The following BRWD1 variants were observed in gnomAD, a reference collection of about 807,000 sequenced individuals.
BRWD1 encodes the protein bromodomain and WD repeat domain containing 1, also known as bromodomain and WD repeat-containing protein 1.
A neutral mutation model predicts 251.2 loss-of-function variants in BRWD1; 82 were observed. The observed-to-expected ratio is 0.33, with a 90% CI of 0.27 to 0.39. BRWD1 has a LOEUF of 0.39. Ranked by LOEUF, BRWD1 falls within the 10% of genes least tolerant of loss-of-function variation. BRWD1 has a pLI of 1.00. For synonymous variants in BRWD1, 918 were observed against 902.8 expected (o/e 1.02, Z -0.30); for missense variants, 2,233 against 2,711.6 (o/e 0.82, Z 3.92).
At chr21:39,207,485 A>ACACAC (rs1350272514) in intron 36 of BRWD1, among the ~76,000 whole-genome samples, 5,705 of 119,922 alleles carry the variant, frequency 0.048, 212 homozygotes, top group African/African-American at 0.11. Context: ...CACACACACA[A>ACACAC]ACAAAACTCC....
At chr21:39,203,928 G>C (rs1293833032) in intron 37 of BRWD1, among the ~76,000 whole-genome samples, 18 of 115,276 alleles carry the variant, frequency 1.6e-4, no homozygotes, top group Non-Finnish European at 3.2e-4. Flanking sequence ...GAGGCAGGTG[G>C]GTTATTTGAG....
At position 39,320,087 on chromosome 21, in the gene BRWD1, G is replaced by T. The variant is rs570531941; in HGVS notation, n.534+939C>A. The stretch of plus-strand genomic sequence containing the variant: ...CTCCACACCCAGGAAAGATGACTGT[G>T]CAGTAAAGCCATGGCTCGCTTGCCC... On this transcript the variant is annotated intron_variant and non_coding_transcript_variant, in intron 1 of 4. Coordinates refer to the BRWD1 transcript ENST00000470108. 3.9e-5 allele frequency among the ~76,000 whole-genome samples: 6 copies of T among 152,304 alleles called. No individual in the cohort carries two copies. The East Asian group carries it at 1.2e-3, about 29-fold the overall frequency.
Position 39,196,296 on chromosome 21 carries a change from A to G in BRWD1, c.6773T>C (p.Leu2258Ser), listed in dbSNP as rs1040754141. 2 of 1,608,356 alleles carry G rather than the reference A, an allele frequency of 1.2e-6. No homozygotes were observed. The highest frequency in any genetic ancestry group is 1.7e-6 in the Non-Finnish European group (2 of 1,177,690). Residue 2258 changes from leucine to serine, a missense_variant, in exon 41 of 41, where the codon TTA (leucine) becomes TCA (serine). By Grantham distance (145) the Leu-to-Ser change is moderately radical (BLOSUM62 -2). This residue lies in a region of BRWD1 where 928 missense variants were observed against 970.0 expected (regional missense o/e 0.96). Coordinates refer to ENST00000342449, the MANE Select transcript of BRWD1 (RefSeq NM_033656.4). ...RYHDGDDDRS[L>S]ENVLDFNGCT... The stretch of plus-strand genomic sequence containing the variant: ...ACCATTGAAATCTAACACATTTTCT[A>G]AACTTCTGTCATCATCCCCATCATG...
chr21:39,281,033 G>A lies in BRWD1; in HGVS notation c.832-785C>T, dbSNP rs1007042928. On this transcript the variant is annotated intron_variant, in intron 8 of 40. Transcript: ENST00000342449. Reference sequence around the variant, plus strand: ...TGCAAGGAAAACAAACACACACTAAGCAAAGGAATAATATCAGCACAAGTT... The same window carrying A: ...TGCAAGGAAAACAAACACACACTAAACAAAGGAATAATATCAGCACAAGTT... Among the ~76,000 whole-genome samples the A allele has an allele frequency of 3.3e-5, 5 of 152,216 alleles. 1 individual carries two copies. The highest frequency in any genetic ancestry group is 3.4e-3 in the Middle Eastern group (1 of 294).
At chr21:39,295,971 AT>A in intron 6 of BRWD1, 68 bp from the exon 7 acceptor site, 1 of 1,350,486 alleles carries the variant, frequency 7.4e-7, no homozygotes, top group Non-Finnish European at 9.8e-7. Flanking sequence ...AAAAACTCAA[AT>A]AACAATTTCT....
chr21:39,294,071 C>T (rs1328912802), intron 7 of BRWD1, 39 bp from the exon 8 acceptor site: 2 of 1,527,158 alleles, frequency 1.3e-6, no homozygotes, highest in Non-Finnish European at 1.8e-6. Context: ...GTTAGTACAG[C>T]AAATCTTTTA....
intron 32 of BRWD1, 77 bp downstream of exon 32, chr21:39,215,160 C>T: frequency 6.8e-7 from 1 of 1,480,426 alleles, no homozygotes; most frequent in East Asian, 2.3e-5. Flanking sequence ...CATGAGCCAC[C>T]ACGCCCGGCA....
At chr21:39,270,066 G>T (rs752597404) in intron 14 of BRWD1, 33 bp from the exon 15 acceptor site, 3 of 1,494,538 alleles carry the variant, frequency 2.0e-6, no homozygotes, top group African/African-American at 1.4e-5. Flanking sequence ...ATTAAGGAGG[G>T]TTTACAAGTT....
rs1342412921 is a variant in BRWD1, at chr21:39,199,620, C to T, written c.4796G>A (p.Arg1599Gln). ...AGAATCACTTAAATAGACTCTCTTT[C>T]GAGTGGCTTTTCTGCCACATCCATT... ...LANGCGRKAT[R>Q]KRVYLSDSDN... The change falls in exon 40 of 41, where the codon CGA becomes CAA. Residue 1599 changes from arginine (R) to glutamine (Q), a missense_variant. By Grantham distance (43) the Arg-to-Gln change is conservative. Transcript: ENST00000342449. 7 of 1,611,852 alleles carry T rather than the reference C, an allele frequency of 4.3e-6. No individual in the cohort carries two copies. In the African/African-American group the frequency reaches 5.4e-5, roughly 12 times the overall value.
chr21:39,218,486 T>C lies in BRWD1; in HGVS notation c.3538+19A>G. ...AAATTGAAAAAAAAACTTTTCATCC[T>C]AAAAAATAAAAAACTTACCAAGATT... On this transcript the variant is annotated intron_variant, in intron 30 of 40. Coordinates refer to ENST00000342449, the MANE Select transcript of BRWD1 (RefSeq NM_033656.4). 1 of 1,557,338 alleles carries C rather than the reference T, an allele frequency of 6.4e-7. No individual in the cohort carries two copies. Among genetic ancestry groups the C allele is most frequent in the Middle Eastern group, 1.7e-4 (1 of 5,812 alleles).
In BRWD1 at chr21:39,264,485, A is replaced by G; in HGVS notation, c.1860T>C (p.Ile620=). ...TTGTTGCCACATAGCCCAGCTGTGG[A>G]ATCAAATGTTCATCTGCAGAATTTT... ...GRENSADEHL[I]PQLGYVATSD... The change falls in exon 17 of 41, where the codon ATT becomes ATC. Residue 620 remains isoleucine, a synonymous_variant. Coordinates refer to ENST00000342449, the MANE Select transcript of BRWD1 (RefSeq NM_033656.4). 1 of 1,608,722 alleles carries G rather than the reference A, an allele frequency of 6.2e-7. No individual in the cohort carries two copies. The highest frequency in any genetic ancestry group is 8.5e-7 in the Non-Finnish European group (1 of 1,178,690).
rs1458700153 is a variant in BRWD1 at position 39,218,168 on chromosome 21, C to A, written c.3643G>T (p.Val1215Phe). The A allele has an allele frequency of 6.2e-7, 1 of 1,606,320 alleles. No individual in the cohort carries two copies. Among genetic ancestry groups the A allele is most frequent in the Admixed American group, 1.7e-5 (1 of 57,350 alleles). ...TDLYTIRMRL[V>F]NRFYRRLSAL... The stretch of plus-strand genomic sequence containing the variant: ...TCTACTAACCTGTAAAATCGATTAA[C>A]AAGTCTCATTCGAATTGTGTAAAGA... The change falls in exon 31 of 41, where the codon GTT (valine) becomes TTT (phenylalanine). Residue 1215 changes from valine to phenylalanine, a missense_variant. Coordinates refer to ENST00000342449, the MANE Select transcript of BRWD1 (RefSeq NM_033656.4).
chr21:39,209,878 T>G, intron 36 of BRWD1, 117 bp downstream of exon 36: 1 of 951,730 alleles, frequency 1.1e-6, no homozygotes, highest in Non-Finnish European at 1.5e-6. Context: ...CACTTATCTT[T>G]AATGTTCTAA....
At chr21:39,288,042 C>T (rs1412674331) in intron 8 of BRWD1, among the ~76,000 whole-genome samples, 1 of 152,112 alleles carries the variant, frequency 6.6e-6, no homozygotes, top group Non-Finnish European at 1.5e-5. Context: ...CTGAGAGATG[C>T]AGTCAAGATG....
intron 4 of BRWD1, among the ~76,000 whole-genome samples, chr21:39,299,255 A>T (rs575431047): frequency 9.7e-4 from 119 of 123,072 alleles, no homozygotes; most frequent in African/African-American, 3.5e-3. Flanking sequence ...CTCAAAAAAA[A>T]AAAAATATAT....
chr21:39,211,523 G>C (rs2032657475), intron 34 of BRWD1, among the ~76,000 whole-genome samples: 1 of 152,152 alleles, frequency 6.6e-6, no homozygotes, highest in Non-Finnish European at 1.5e-5. Context: ...GAGCCAAGGT[G>C]AGGACACCCA....
intron 8 of BRWD1, among the ~76,000 whole-genome samples, chr21:39,292,910 T>C (rs940254842): frequency 6.6e-6 from 1 of 152,170 alleles, no homozygotes; most frequent in South Asian, 2.1e-4. Context: ...CAATAAATAG[T>C]GTGATAATGG....
chr21:39,211,954 C>T (rs1031314190), intron 34 of BRWD1, among the ~76,000 whole-genome samples: 1 of 152,012 alleles, frequency 6.6e-6, no homozygotes, highest in Non-Finnish European at 1.5e-5. Context: ...ACTTCAAAGC[C>T]TGCCGATACT....
Position 39,199,274 on chromosome 21 carries a change from T to C in BRWD1, c.5142A>G (p.Glu1714=). The change falls in exon 40 of 41, where the codon GAA becomes GAG. Residue 1714 remains glutamate, a synonymous_variant. Transcript: ENST00000342449. Reference sequence around the variant, plus strand: ...CTGACTCTGAGTCTCTGTTTTCAGATTCATCAACATTGCTCTGGGCAGTGT... The same window carrying C: ...CTGACTCTGAGTCTCTGTTTTCAGACTCATCAACATTGCTCTGGGCAGTGT... The part of the protein sequence containing the change: ...SSHTAQSNVD[E]SENRDSESES... 1 of 1,614,236 alleles carries C rather than the reference T, an allele frequency of 6.2e-7. No homozygotes were observed. Among genetic ancestry groups the C allele is most frequent in the Non-Finnish European group, 8.5e-7 (1 of 1,180,036 alleles).
Sources: gnomAD v4.1 joint callset for allele counts (sites outside exome capture counted in the v4.1 genomes callset) on GRCh38, gnomAD v4.1.1 for gene constraint, gnomAD v4.1.1 regional missense constraint, MANE v1.5 for transcripts, NCBI Gene and HGNC (gene_info 2026-07-23, HGNC 2026-07-21) for gene names.